Variants in ABHD12 observed in about 807,000 individuals in gnomAD.
ABHD12 encodes lysophosphatidylserine lipase ABHD12.
A neutral mutation model predicts 58.3 loss-of-function variants in ABHD12; 43 were observed. The ratio of observed to expected loss-of-function variants is 0.74; its 90% CI spans 0.58 to 0.95. The LOEUF is 0.95. Ranked by LOEUF, ABHD12 falls within the 40% of genes least tolerant of loss-of-function variation. The pLI is 0.00. For synonymous variants in ABHD12, 219 were observed against 211.2 expected (o/e 1.04, Z -0.32); for missense variants, 539 against 537.2 (o/e 1.00, Z -0.03).
At chr20:25,322,381 A>ATATATATATATATATATATATTTTT in intron 3 of ABHD12, among the ~76,000 whole-genome samples, 45 of 59,244 alleles carry the variant, frequency 7.6e-4, no homozygotes, top group African/African-American at 2.2e-3. Flanking sequence ...ATATATATAT[A>ATATATATATATATATATATATTTTT]TTTTTTTTTT....
At chr20:25,295,718 T>G (rs749245533), downstream of ABHD12, 7 of 1,534,720 alleles carry the variant, frequency 4.6e-6, no homozygotes, top group East Asian at 1.1e-4. Flanking sequence ...GGTGGGTCCA[T>G]GTAGACGTGT....
At chr20:25,329,103 G>A (rs918681297) in intron 2 of ABHD12, among the ~76,000 whole-genome samples, 5 of 152,204 alleles carry the variant, frequency 3.3e-5, no homozygotes, top group African/African-American at 4.8e-5. Context: ...GGCCTCCCAC[G>A]TGGTCAGATC....
chr20:25,373,195 TTATTGAGTGACATTACTA>T (rs918128524), intron 1 of ABHD12, among the ~76,000 whole-genome samples: 1 of 152,190 alleles, frequency 6.6e-6, no homozygotes, highest in South Asian at 2.1e-4. Context: ...GGTGTACCTG[TTATTGAGTGACATTACTA>T]TATTGAGTGA....
intron 1 of ABHD12, among the ~76,000 whole-genome samples, chr20:25,354,117 C>T (rs1420215229): frequency 1.3e-5 from 2 of 152,142 alleles, no homozygotes; most frequent in Non-Finnish European, 2.9e-5. Flanking sequence ...TATTTCAAGA[C>T]CTAAAGCAAA....
chr20:25,319,925 C>T (rs963770763), intron 4 of ABHD12, among the ~76,000 whole-genome samples: 5 of 152,236 alleles, frequency 3.3e-5, no homozygotes, highest in Non-Finnish European at 5.9e-5. Context: ...GCTTCCCACA[C>T]TTGGTCCCCA....
chr20:25,378,891 A>G (rs1472046465), intron 1 of ABHD12, among the ~76,000 whole-genome samples: 1 of 151,954 alleles, frequency 6.6e-6, no homozygotes, highest in African/African-American at 2.4e-5. Context: ...CTCTGCTCTC[A>G]TTATGTCAGG....
At chr20:25,309,349 A>G in intron 7 of ABHD12, 97 bp downstream of exon 7, 1 of 1,575,572 alleles carries the variant, frequency 6.3e-7, no homozygotes, top group Non-Finnish European at 8.7e-7. Context: ...ATGGTGCCAC[A>G]GGGTTTGCAG....
intron 1 of ABHD12, among the ~76,000 whole-genome samples, chr20:25,385,331 CAAAAAAAAAAAAAA>C (rs11477490): frequency 1.9e-5 from 1 of 51,716 alleles, no homozygotes; most frequent in Non-Finnish European, 3.4e-5. Flanking sequence ...GAGTGAGACT[CAAAAAAAAAAAAAA>C]AAAAAAAAAA....
At position 25,309,540 on chromosome 20, in the gene ABHD12, C is replaced by A. The variant is rs2088810112; in HGVS notation, c.655G>T (p.Gly219Cys). ...ACGTGGAGTGCGTCATAGGTCATGC[C>A]CCGCTCAGATGGCGTTCCCACTGAG... Reference protein sequence around the residue: ...GDSVGTPSERGMTYDALHVFD... With the variant: ...GDSVGTPSERCMTYDALHVFD... The change falls in exon 7 of 13, where the codon GGC (glycine) becomes TGC (cysteine). Residue 219 changes from glycine (G) to cysteine (C), a missense_variant. Coordinates refer to ENST00000339157, the MANE Select transcript of ABHD12 (RefSeq NM_001042472.3). 3.1e-6 allele frequency: 5 copies of A among 1,614,188 alleles called. No individual in the cohort carries two copies. The highest frequency in any genetic ancestry group is 1.6e-4 in the Middle Eastern group (1 of 6,062).
In ABHD12 at chr20:25,303,540, C is replaced by G. The variant is rs377418113; in HGVS notation, c.1029+10G>C. Reference sequence around the variant, plus strand: ...TGCCAGCTACACCAGAGGCAGAGGCCAGGACCCACCTTTCTGCCAAGCTGG... The same window carrying G: ...TGCCAGCTACACCAGAGGCAGAGGCGAGGACCCACCTTTCTGCCAAGCTGG... On this transcript the variant is annotated intron_variant, in intron 11 of 12. Transcript: ENST00000339157. The G allele has an allele frequency of 2.7e-5, 44 of 1,613,100 alleles. No individual in the cohort carries two copies. The African/African-American group carries it at 4.8e-4, about 18-fold the overall frequency.
intron 11 of ABHD12, among the ~76,000 whole-genome samples, chr20:25,302,736 T>C (rs552367986): frequency 1.3e-5 from 2 of 152,092 alleles, no homozygotes; most frequent in Non-Finnish European, 2.9e-5. Flanking sequence ...CTCAGCCCCC[T>C]CCCCCTCTCA....
chr20:25,359,176 C>T (rs561403065), intron 1 of ABHD12, among the ~76,000 whole-genome samples: 8 of 151,056 alleles, frequency 5.3e-5, no homozygotes, highest in Non-Finnish European at 1.0e-4. Flanking sequence ...AATCCCAGCA[C>T]TTTGGGAGGC....
At position 25,300,625 on chromosome 20, in the gene ABHD12, T is replaced by A. The variant is rs2088617758; in HGVS notation, c.*220A>T. ...TTGAGGGGCGGCAAGGAGAGCCACA[T>A]GCCTGCCACCCACGCTTTCCACACA... is the stretch of plus-strand genomic sequence containing the variant. On this transcript the variant is annotated 3_prime_UTR_variant, in exon 13 of 13. Coordinates refer to ENST00000339157, the MANE Select transcript of ABHD12 (RefSeq NM_001042472.3). 6.9e-7 allele frequency: 1 copy of A among 1,450,800 alleles called. No homozygotes were observed. The highest frequency in any genetic ancestry group is 9.0e-7 in the Non-Finnish European group (1 of 1,107,878). 89.9% of individuals were successfully genotyped at this position (1,450,800 alleles called of 1,614,324 possible).
exon 13 of ABHD12, chr20:25,294,834 CAG>C (rs757509385): frequency 2.3e-6 from 2 of 875,638 alleles, no homozygotes; most frequent in Non-Finnish European, 3.9e-6. Context: ...GTTTGCAGCT[CAG>C]GGCAGTTCTT....
At chr20:25,375,046 G>A (rs1421250294) in intron 1 of ABHD12, among the ~76,000 whole-genome samples, 3 of 152,086 alleles carry the variant, frequency 2.0e-5, no homozygotes, top group Non-Finnish European at 4.4e-5. Context: ...AGGTCATCAG[G>A]GTGGACCCTA....
intron 1 of ABHD12, among the ~76,000 whole-genome samples, chr20:25,353,193 A>G (rs1159988291): frequency 1.3e-5 from 2 of 152,116 alleles, no homozygotes; most frequent in African/African-American, 4.8e-5. Context: ...ATAAATCAGA[A>G]ATCTCATATA....
chr20:25,366,981 C>G (rs2089830742), intron 1 of ABHD12, among the ~76,000 whole-genome samples: 1 of 152,068 alleles, frequency 6.6e-6, no homozygotes, highest in African/African-American at 2.4e-5. Context: ...TGAATATACC[C>G]TTGGTACGAG....
At chr20:25,374,909 T>G (rs1034714118) in intron 1 of ABHD12, among the ~76,000 whole-genome samples, 1 of 152,234 alleles carries the variant, frequency 6.6e-6, no homozygotes, top group East Asian at 1.9e-4. Flanking sequence ...CCTCCCACTC[T>G]GCATGCCTGT....
At position 25,390,832 on chromosome 20, in the gene ABHD12, C is replaced by T. The variant is rs989965878; in HGVS notation, c.-129G>A. On this transcript the variant is annotated 5_prime_UTR_variant, in exon 1 of 13. Transcript: ENST00000339157. ...GCTCCTCACATCCCAGCCCAGGCCGCTGCGCCGGCTACGAACCAGCGGCGG... is the reference window on the plus strand; with the variant it reads ...GCTCCTCACATCCCAGCCCAGGCCGTTGCGCCGGCTACGAACCAGCGGCGG... 2.1e-5 allele frequency: 12 copies of T among 577,648 alleles called. 1 individual carries two copies. The highest frequency in any genetic ancestry group is 2.2e-5 in the Non-Finnish European group (9 of 414,580). The allele number at this position is 577,648 out of a possible 1,614,324, so 35.8% of individuals were successfully genotyped here.
Sources: allele counts gnomAD v4.1 joint callset (sites outside exome capture counted in the v4.1 genomes callset), GRCh38; gene constraint gnomAD v4.1.1; transcripts MANE v1.5; gene names NCBI Gene and HGNC (gene_info 2026-07-23, HGNC 2026-07-21).